The following PKNOX2 variants were observed in gnomAD, a reference collection of about 807,000 sequenced individuals.
The protein encoded by PKNOX2 is homeobox protein PKNOX2.
PKNOX2 carries 14 observed loss-of-function variants against 53.1 expected under a neutral mutation model. The observed-to-expected ratio is 0.26, with a 90% CI of 0.17 to 0.41. PKNOX2 has a LOEUF of 0.41. Ranked by LOEUF, PKNOX2 falls within the 10% of genes least tolerant of loss-of-function variation. PKNOX2 has a pLI of 1.00. For synonymous variants in PKNOX2, 257 were observed against 242.8 expected (o/e 1.06, Z -0.54); for missense variants, 496 against 602.8 (o/e 0.82, Z 1.85).
chr11:125,228,010 G>A (rs1393434156), intron 1 of PKNOX2, among the ~76,000 whole-genome samples: 3 of 152,018 alleles, frequency 2.0e-5, no homozygotes, highest in Non-Finnish European at 2.9e-5. Flanking sequence ...GGTTAGATGA[G>A]GGTTAGAACC....
At chr11:125,252,024 G>A (rs1020450932) in intron 2 of PKNOX2, among the ~76,000 whole-genome samples, 1 of 152,148 alleles carries the variant, frequency 6.6e-6, no homozygotes, top group Non-Finnish European at 1.5e-5. Flanking sequence ...AGCAAAGAGA[G>A]ACAGCTGACA....
intron 3 of PKNOX2, among the ~76,000 whole-genome samples, chr11:125,343,703 G>A (rs1168358914): frequency 6.6e-6 from 1 of 152,228 alleles, no homozygotes; most frequent in Non-Finnish European, 1.5e-5. Context: ...AGCCAGAAAA[G>A]GTGTGACAGC....
intron 6 of PKNOX2, among the ~76,000 whole-genome samples, chr11:125,390,550 G>A (rs575836989): frequency 8.5e-5 from 13 of 152,364 alleles, no homozygotes; most frequent in South Asian, 2.1e-4. Flanking sequence ...GTGTCTCACC[G>A]TAGGTGGAAG....
chr11:125,313,995 A>T (rs2136023519), intron 2 of PKNOX2, among the ~76,000 whole-genome samples: 1 of 152,308 alleles, frequency 6.6e-6, no homozygotes, highest in South Asian at 2.1e-4. Context: ...CCAGGCACAC[A>T]AGTGACCCCC....
chr11:125,313,179 C>T (rs1166816648), intron 2 of PKNOX2, among the ~76,000 whole-genome samples: 1 of 152,160 alleles, frequency 6.6e-6, no homozygotes, highest in East Asian at 1.9e-4. Context: ...AAGTCGAGGG[C>T]ACCCCCAGGT....
chr11:125,374,223 C>G (rs1486727598), intron 5 of PKNOX2, among the ~76,000 whole-genome samples: 1 of 152,100 alleles, frequency 6.6e-6, no homozygotes, highest in African/African-American at 2.4e-5. Context: ...GGTGAGGTGG[C>G]CTGAGAATGG....
At chr11:125,291,592 A>G (rs1947307331) in intron 2 of PKNOX2, among the ~76,000 whole-genome samples, 1 of 152,218 alleles carries the variant, frequency 6.6e-6, no homozygotes, top group Non-Finnish European at 1.5e-5. Flanking sequence ...AACTAGGGAC[A>G]CAAACAGATA....
intron 1 of PKNOX2, among the ~76,000 whole-genome samples, chr11:125,186,866 A>C (rs528084180): frequency 6.6e-6 from 1 of 152,218 alleles, no homozygotes; most frequent in East Asian, 1.9e-4. Context: ...TAGGTTGTTG[A>C]TCCATTTTGA....
At chr11:125,195,269 T>C (rs761469894) in intron 1 of PKNOX2, among the ~76,000 whole-genome samples, 1 of 152,246 alleles carries the variant, frequency 6.6e-6, no homozygotes, top group Non-Finnish European at 1.5e-5. Context: ...GCTGGTCTGC[T>C]TCAAAGCATC....
chr11:125,390,725 G>T (rs971384209), intron 6 of PKNOX2, among the ~76,000 whole-genome samples: 4 of 152,184 alleles, frequency 2.6e-5, no homozygotes, highest in Non-Finnish European at 4.4e-5. Context: ...GAACCAAGTG[G>T]CTCTAACTCC....
chr11:125,232,427 C>A (rs1942290064), intron 1 of PKNOX2, among the ~76,000 whole-genome samples: 1 of 152,208 alleles, frequency 6.6e-6, no homozygotes, highest in African/African-American at 2.4e-5. Context: ...CTCACCACCA[C>A]CCTCAGAGGA....
intron 3 of PKNOX2, among the ~76,000 whole-genome samples, chr11:125,348,675 C>T (rs1951126422): frequency 6.6e-6 from 1 of 152,230 alleles, no homozygotes; most frequent in Non-Finnish European, 1.5e-5. Context: ...ACAAATATTT[C>T]TGGGGACAGC....
chr11:125,271,103 T>C lies in PKNOX2; in HGVS notation c.-130+35988T>C, dbSNP rs78393983. Among the ~76,000 whole-genome samples, 1,176 of 152,282 alleles carry C rather than the reference T, an allele frequency of 7.7e-3. 27 individuals carry two copies. The highest frequency in any genetic ancestry group is 0.027 in the African/African-American group (1,125 of 41,542). Reference sequence around the variant, plus strand: ...CCTGTCTGTGGATTTGGAGGGAAGATGTTTGAATGATTTCACAGTTCCCTG... The same window carrying C: ...CCTGTCTGTGGATTTGGAGGGAAGACGTTTGAATGATTTCACAGTTCCCTG... On this transcript the variant is annotated intron_variant, in intron 2 of 12. Coordinates refer to ENST00000298282, the MANE Select transcript of PKNOX2 (RefSeq NM_001382323.2).
At chr11:125,244,590 A>G (rs1312624631) in intron 2 of PKNOX2, among the ~76,000 whole-genome samples, 1 of 152,200 alleles carries the variant, frequency 6.6e-6, no homozygotes, top group Non-Finnish European at 1.5e-5. Context: ...CAGCCTCAGC[A>G]AAGTGCCAGG....
At chr11:125,220,196 A>G (rs757860314) in intron 1 of PKNOX2, among the ~76,000 whole-genome samples, 1 of 152,204 alleles carries the variant, frequency 6.6e-6, no homozygotes, top group African/African-American at 2.4e-5. Context: ...CTATATTTGT[A>G]TTTGCTTGGA....
chr11:125,250,021 C>T (rs1943871334), intron 2 of PKNOX2, among the ~76,000 whole-genome samples: 2 of 133,840 alleles, frequency 1.5e-5, no homozygotes, highest in South Asian at 2.4e-4. Context: ...GCAGAGATCA[C>T]GTGGTTGCAT....
At chr11:125,391,267 G>A (rs534264767) in intron 6 of PKNOX2, among the ~76,000 whole-genome samples, 6 of 152,296 alleles carry the variant, frequency 3.9e-5, no homozygotes, top group South Asian at 2.1e-4. Flanking sequence ...CTGTGGTGAC[G>A]AGACTCAAAT....
At position 125,422,504 on chromosome 11, in the gene PKNOX2, G is replaced by A. The variant is rs137939312; in HGVS notation, c.937-6508G>A. Reference sequence around the variant, plus strand: ...TGTCGGAGGCATCCCCTGGTGTAGCGCTGTCCCAGGGTGTGTGCCCTGCTG... The same window carrying A: ...TGTCGGAGGCATCCCCTGGTGTAGCACTGTCCCAGGGTGTGTGCCCTGCTG... On this transcript the variant is annotated intron_variant, in intron 10 of 12. Transcript: ENST00000298282. This position sits in a 1 kb window ranked among gnomAD's most constrained non-coding sequence, Gnocchi z 4.1. 3.3e-5 allele frequency among the ~76,000 whole-genome samples: 5 copies of A among 152,260 alleles called. No individual in the cohort carries two copies. Among genetic ancestry groups the A allele is most frequent in the Admixed American group, 2.0e-4 (3 of 15,302 alleles).
chr11:125,330,326 T>C (rs1415933001), intron 2 of PKNOX2: 2 of 152,044 alleles, frequency 1.3e-5, no homozygotes, highest in Admixed American at 6.6e-5. Context: ...ACAGACGAGG[T>C]CACATGGAGG....
Sources: allele counts gnomAD v4.1 joint callset (sites outside exome capture counted in the v4.1 genomes callset), GRCh38; gene constraint gnomAD v4.1.1; non-coding constraint Gnocchi (gnomAD v3.1); transcripts MANE v1.5; gene names NCBI Gene and HGNC (gene_info 2026-07-23, HGNC 2026-07-21).